JADE2: variants seen among roughly 807,000 people sequenced by gnomAD.
JADE2 encodes E3 ubiquitin-protein ligase Jade-2.
JADE2 carries 13 observed loss-of-function variants against 85.7 expected under a neutral mutation model. The ratio of observed to expected loss-of-function variants is 0.15; its 90% CI spans 0.10 to 0.24. The LOEUF (loss-of-function observed/expected upper bound fraction) is 0.24, where lower values mean the gene tolerates loss of function less well. Ranked by LOEUF, JADE2 falls within the 10% of genes least tolerant of loss-of-function variation. JADE2 has a pLI of 1.00. For synonymous variants in JADE2, 440 were observed against 456.1 expected (o/e 0.96, Z 0.45); for missense variants, 846 against 1,115.9 (o/e 0.76, Z 3.45).
At chr5:134,531,469 G>A (rs1581390096) in intron 1 of JADE2, among the ~76,000 whole-genome samples, 2 of 152,056 alleles carry the variant, frequency 1.3e-5, no homozygotes, top group African/African-American at 4.8e-5. Context: ...TAGAGATGGG[G>A]TCTTGCTGTG....
chr5:134,552,882 G>A (rs540282759), intron 4 of JADE2, among the ~76,000 whole-genome samples: 4 of 151,768 alleles, frequency 2.6e-5, no homozygotes, highest in South Asian at 2.1e-4. Context: ...CATGTTGCCC[G>A]GGCTGATCTT....
At chr5:134,561,787 A>C (rs59449529) in intron 6 of JADE2, among the ~76,000 whole-genome samples, 37,912 of 152,078 alleles carry the variant, frequency 0.25, 5,150 homozygotes, top group East Asian at 0.53. Flanking sequence ...GAGGGGTGCA[A>C]CCTTCTTCAT....
At chr5:134,558,201 G>A (rs1215301638) in intron 4 of JADE2, among the ~76,000 whole-genome samples, 1 of 64,388 alleles carries the variant, frequency 1.6e-5, no homozygotes, top group Non-Finnish European at 2.9e-5. Context: ...GTCTGTTCAT[G>A]TCCTTCGCCC....
At chr5:134,574,422 C>T (rs1165595964) in intron 10 of JADE2, 2 of 153,564 alleles carry the variant, frequency 1.3e-5, no homozygotes, top group African/African-American at 4.8e-5. Flanking sequence ...AGAAGGGCAA[C>T]ACTTAGCCCC....
chr5:134,558,749 G>A (rs1763140543), intron 4 of JADE2, among the ~76,000 whole-genome samples: 1 of 152,222 alleles, frequency 6.6e-6, no homozygotes, highest in African/African-American at 2.4e-5. Flanking sequence ...TGTTGGTCAG[G>A]CTGGTCTCGA....
In JADE2 at chr5:134,579,423, G is replaced by A; in HGVS notation, c.*106G>A. On this transcript the variant is annotated 3_prime_UTR_variant, in exon 12 of 12. Coordinates refer to ENST00000681547, the MANE Select transcript of JADE2 (RefSeq NM_001388185.1). The surrounding 1 kb of genome is among the most constrained non-coding windows in gnomAD (Gnocchi z 4.6). ...CTGCTGAGTGTCCCAGACCCTCGAG[G>A]CTGCCACTCCGTCGTGGTTTTATTT... 2.4e-6 allele frequency: 2 copies of A among 846,710 alleles called. No individual in the cohort carries two copies. Among genetic ancestry groups the A allele is most frequent in the East Asian group, 2.7e-5 (1 of 37,356 alleles). 52.4% of individuals were successfully genotyped at this position (846,710 alleles called of 1,614,324 possible).
At chr5:134,536,437 A>G (rs1761590711) in intron 2 of JADE2, among the ~76,000 whole-genome samples, 1 of 152,200 alleles carries the variant, frequency 6.6e-6, no homozygotes. Flanking sequence ...CAACCTTCAT[A>G]GAATCTTGGC....
chr5:134,568,187 A>C (rs1425886548), intron 9 of JADE2, among the ~76,000 whole-genome samples: 1 of 152,186 alleles, frequency 6.6e-6, no homozygotes, highest in African/African-American at 2.4e-5. Context: ...TGTAGTCATC[A>C]TCCTGGAAAA....
chr5:134,537,703 C>A (rs894666609), intron 2 of JADE2, among the ~76,000 whole-genome samples: 6 of 152,120 alleles, frequency 3.9e-5, no homozygotes, highest in Non-Finnish European at 8.8e-5. Context: ...AGCAGAGTCC[C>A]ACAGAGGGCC....
intron 11 of JADE2, chr5:134,577,120 G>A (rs1764420879): frequency 3.8e-6 from 2 of 522,308 alleles, no homozygotes; most frequent in African/African-American, 2.0e-5. Flanking sequence ...CTGTAGACCT[G>A]GATGGAGGCT....
At chr5:134,552,454 T>C (rs1389984424) in intron 4 of JADE2, among the ~76,000 whole-genome samples, 1 of 152,212 alleles carries the variant, frequency 6.6e-6, no homozygotes, top group Non-Finnish European at 1.5e-5. Flanking sequence ...TTGACACTCA[T>C]ATTCAGTGTG....
At chr5:134,524,133 C>T (rs966541128), upstream of JADE2, among the ~76,000 whole-genome samples, 4 of 152,222 alleles carry the variant, frequency 2.6e-5, no homozygotes, top group Non-Finnish European at 5.9e-5. Context: ...TTGGGCCAGG[C>T]TCCCCACAAC....
chr5:134,558,410 C>G (rs1763112142), intron 4 of JADE2, among the ~76,000 whole-genome samples: 1 of 148,074 alleles, frequency 6.8e-6, no homozygotes, highest in Non-Finnish European at 1.5e-5. Context: ...TCAATTTTGG[C>G]TTTTGTTGCC....
At position 134,566,785 on chromosome 5, in the gene JADE2, A is replaced by T. The variant is rs1231555144; in HGVS notation, c.1434+205A>T. 1.3e-5 allele frequency among the ~76,000 whole-genome samples: 2 copies of T among 152,192 alleles called. No homozygotes were observed. Among genetic ancestry groups the T allele is most frequent in the Non-Finnish European group, 2.9e-5 (2 of 68,034 alleles). ...GGGGGTGACTGACACTTTACAGAACAGAGAAGAGTCCAGTTCTTGAGTCTC... is the reference window on the plus strand; with the variant it reads ...GGGGGTGACTGACACTTTACAGAACTGAGAAGAGTCCAGTTCTTGAGTCTC... On this transcript the variant is annotated intron_variant, in intron 9 of 11. Transcript: ENST00000681547. This position sits in a 1 kb window ranked among gnomAD's most constrained non-coding sequence, Gnocchi z 6.7.
chr5:134,527,749 C>T (rs1760955249), intron 1 of JADE2, among the ~76,000 whole-genome samples: 1 of 152,114 alleles, frequency 6.6e-6, no homozygotes, highest in African/African-American at 2.4e-5. Context: ...CAACTCCCCT[C>T]CCAATCCCCT....
chr5:134,560,455 G>A lies in JADE2; in HGVS notation c.473-291G>A, dbSNP rs185469664. ...AAGCAGTGCCTTCTCCGTGGAGCTG[G>A]CCGCATCCCAGAGACACTTCCATGT... On this transcript the variant is annotated intron_variant, in intron 5 of 11. Transcript: ENST00000681547. 3.9e-5 allele frequency among the ~76,000 whole-genome samples: 6 copies of A among 152,290 alleles called. No homozygotes were observed. The East Asian group carries it at 9.7e-4, about 25-fold the overall frequency.
At position 134,578,423 on chromosome 5, in the gene JADE2, C is replaced by T. The variant is rs72798692; in HGVS notation, c.1682-71C>T. 6.9e-3 allele frequency: 7,905 copies of T among 1,144,688 alleles called. 45 individuals carry two copies. Among genetic ancestry groups the T allele is most frequent in the Middle Eastern group, 0.013 (66 of 4,890 alleles). 70.9% of individuals were successfully genotyped at this position (1,144,688 alleles called of 1,614,324 possible). ...ACGATGCCTGGTGGTGTGCTGGGAG[C>T]GTCAGTGGGCTTCCTGAAAGGGTGG... is the stretch of plus-strand genomic sequence containing the variant. On this transcript the variant is annotated intron_variant, in intron 11 of 11. Coordinates refer to ENST00000681547, the MANE Select transcript of JADE2 (RefSeq NM_001388185.1). The surrounding 1 kb of genome is among the most constrained non-coding windows in gnomAD (Gnocchi z 4.4).
intron 9 of JADE2, among the ~76,000 whole-genome samples, chr5:134,568,286 C>G (rs1406720684): frequency 6.6e-6 from 1 of 152,236 alleles, no homozygotes; most frequent in Non-Finnish European, 1.5e-5. Context: ...CTTAGAGGAA[C>G]TCCATTCCAA....
chr5:134,535,317 C>T (rs1389830249), intron 1 of JADE2, among the ~76,000 whole-genome samples: 1 of 152,112 alleles, frequency 6.6e-6, no homozygotes, highest in Non-Finnish European at 1.5e-5. Context: ...CCTGGAGTGT[C>T]CCCCGCCTCT....
Sources: allele counts gnomAD v4.1 joint callset (sites outside exome capture counted in the v4.1 genomes callset), GRCh38; gene constraint gnomAD v4.1.1; non-coding constraint Gnocchi (gnomAD v3.1); transcripts MANE v1.5; gene names NCBI Gene and HGNC (gene_info 2026-07-23, HGNC 2026-07-21).